Variants in CSMD3 observed in about 807,000 individuals in gnomAD.
The protein encoded by CSMD3 is CUB and sushi domain-containing protein 3.
Under a neutral mutation model 435.2 loss-of-function variants are expected in CSMD3, and 177 were observed. That is an observed-to-expected ratio of 0.41 (90% CI 0.36 to 0.46). The LOEUF (loss-of-function observed/expected upper bound fraction) is 0.46, where lower values mean the gene tolerates loss of function less well. Among genes scored for constraint, CSMD3 ranks in the 20% least tolerant of loss-of-function variants. The pLI is 0.34. For missense variants in CSMD3, 4,265 were observed against 4,504.6 expected (o/e 0.95, Z 1.52); for synonymous variants, 1,656 against 1,520.5 (o/e 1.09, Z -2.07).
chr8:112,438,014 G>A (rs1814568986), intron 32 of CSMD3, among the ~76,000 whole-genome samples: 1 of 152,044 alleles, frequency 6.6e-6, no homozygotes, highest in Non-Finnish European at 1.5e-5. Context: ...CCCTCGAAGG[G>A]CAGAAACATG....
chr8:112,902,729 A>G (rs947097938), intron 10 of CSMD3, among the ~76,000 whole-genome samples: 4 of 151,434 alleles, frequency 2.6e-5, no homozygotes, highest in Non-Finnish European at 5.9e-5. Context: ...CTAGCAGTTT[A>G]GTCTGCCACG....
intron 35 of CSMD3, among the ~76,000 whole-genome samples, chr8:112,393,336 T>C (rs1223582351): frequency 6.6e-6 from 1 of 152,178 alleles, no homozygotes; most frequent in East Asian, 1.9e-4. Context: ...ACTTGATTTG[T>C]CCCCTTCTCT....
chr8:112,360,645 C>T (rs948451969), intron 38 of CSMD3, among the ~76,000 whole-genome samples: 2 of 151,720 alleles, frequency 1.3e-5, no homozygotes, highest in African/African-American at 4.8e-5. Context: ...TCTATAATAA[C>T]ATAAATTATT....
chr8:112,394,098 C>T (rs1288882492), intron 35 of CSMD3, among the ~76,000 whole-genome samples: 1 of 152,098 alleles, frequency 6.6e-6, no homozygotes, highest in Non-Finnish European at 1.5e-5. Context: ...TCTTCTTCAT[C>T]CACACTCTCT....
intron 22 of CSMD3, among the ~76,000 whole-genome samples, chr8:112,588,121 A>G (rs546922030): frequency 3.3e-5 from 5 of 151,744 alleles, no homozygotes; most frequent in Non-Finnish European, 5.9e-5. Flanking sequence ...AAATTACTTC[A>G]TATTACCAAA....
Position 112,313,973 on chromosome 8 carries a change from A to G in CSMD3, c.7629T>C (p.His2543=), listed in dbSNP as rs1335909193. The change falls in exon 49 of 71, where the codon CAT becomes CAC. Residue 2543 remains histidine (H), a synonymous_variant. Transcript: ENST00000297405. ...CTGCTGACCACTGAAGAAATACTTC[A>G]TGACCATTGCTTGTTATATTAAAAG... ...SSAFNITSNG[H]EVFLQWSADH... is the part of the protein sequence containing the mutation. 6.2e-7 allele frequency: 1 copy of G among 1,611,576 alleles called. No homozygotes were observed. The highest frequency in any genetic ancestry group is 1.7e-4 in the Middle Eastern group (1 of 6,050).
intron 1 of CSMD3, among the ~76,000 whole-genome samples, chr8:113,429,151 A>C (rs2094654594): frequency 6.6e-6 from 1 of 151,650 alleles, no homozygotes; most frequent in Non-Finnish European, 1.5e-5. Context: ...TTCAACTATC[A>C]CTAAAATTGA....
At chr8:113,214,908 GA>G (rs2092883843) in intron 3 of CSMD3, among the ~76,000 whole-genome samples, 1 of 151,710 alleles carries the variant, frequency 6.6e-6, no homozygotes, top group African/African-American at 2.4e-5. Flanking sequence ...CCATAGCTTT[GA>G]AATATTATCG....
Position 112,398,908 on chromosome 8 carries a change from C to T in CSMD3, c.5809+7616G>A, listed in dbSNP as rs571785465. ...ATACTAATCTTCTTATCAAACGTTACTTGATTAAACTCTTTTTTTTTTTTT... is the reference window on the plus strand; with the variant it reads ...ATACTAATCTTCTTATCAAACGTTATTTGATTAAACTCTTTTTTTTTTTTT... On this transcript the variant is annotated intron_variant, in intron 35 of 70. Coordinates refer to ENST00000297405, the MANE Select transcript of CSMD3 (RefSeq NM_198123.2). Among the ~76,000 whole-genome samples the T allele has an allele frequency of 2.0e-5, 3 of 151,648 alleles. No homozygotes were observed. In the East Asian group the frequency reaches 5.9e-4, roughly 30 times the overall value.
chr8:112,414,503 C>A lies in CSMD3; in HGVS notation c.5396-5471G>T, dbSNP rs371006266. 4.0e-4 allele frequency among the ~76,000 whole-genome samples: 61 copies of A among 152,250 alleles called. 1 individual carries two copies. In the East Asian group the frequency reaches 8.3e-3, roughly 21 times the overall value. On this transcript the variant is annotated intron_variant, in intron 32 of 70. Transcript: ENST00000297405. ...AATGTAGAACTGTGAATCAATTAAA[C>A]CTTTTTCCTTTATAAATTACCTAAT... is the stretch of plus-strand genomic sequence containing the variant.
intron 4 of CSMD3, among the ~76,000 whole-genome samples, chr8:113,111,139 G>C (rs2090626875): frequency 6.6e-6 from 1 of 151,998 alleles, no homozygotes; most frequent in Admixed American, 6.6e-5. Context: ...ATGGGACAAG[G>C]GAAAAAGACA....
At chr8:112,296,960 GC>G (rs1309002613) in intron 53 of CSMD3, among the ~76,000 whole-genome samples, 2 of 151,736 alleles carry the variant, frequency 1.3e-5, no homozygotes, top group Non-Finnish European at 2.9e-5. Flanking sequence ...ACAGCTTTAT[GC>G]CAATACATTT....
At chr8:113,043,213 T>C (rs573849198) in intron 5 of CSMD3, among the ~76,000 whole-genome samples, 3 of 152,322 alleles carry the variant, frequency 2.0e-5, no homozygotes, top group East Asian at 1.9e-4. Context: ...ATCTAACTTA[T>C]ATTTATGTCT....
At chr8:112,495,541 T>C (rs1320290813) in intron 30 of CSMD3, among the ~76,000 whole-genome samples, 1 of 152,250 alleles carries the variant, frequency 6.6e-6, no homozygotes, top group African/African-American at 2.4e-5. Flanking sequence ...GTTTACATAC[T>C]GCTTTAAATC....
chr8:112,372,614 C>T (rs1434496332), intron 38 of CSMD3, among the ~76,000 whole-genome samples: 1 of 151,998 alleles, frequency 6.6e-6, no homozygotes, highest in African/African-American at 2.4e-5. Context: ...CTTTGGGAGG[C>T]CGAGGAGGGC....
At chr8:112,318,559 A>G (rs1822692626) in intron 47 of CSMD3, among the ~76,000 whole-genome samples, 3 of 151,998 alleles carry the variant, frequency 2.0e-5, no homozygotes, top group South Asian at 4.1e-4. Context: ...CTCCACCTCC[A>G]TTCCCATCCC....
intron 61 of CSMD3, among the ~76,000 whole-genome samples, chr8:112,258,656 G>A (rs1816047774): frequency 6.6e-6 from 1 of 152,178 alleles, no homozygotes; most frequent in African/African-American, 2.4e-5. Context: ...TGGAGAAATA[G>A]GAACGCTTTT....
At chr8:113,363,897 G>C (rs1204297175) in intron 1 of CSMD3, among the ~76,000 whole-genome samples, 1 of 151,910 alleles carries the variant, frequency 6.6e-6, no homozygotes, top group Non-Finnish European at 1.5e-5. Context: ...ATCAATTATT[G>C]AATTTCATGG....
At position 112,584,315 on chromosome 8, in the gene CSMD3, G is replaced by A. The variant is rs144925928; in HGVS notation, c.3885+2751C>T. On this transcript the variant is annotated intron_variant, in intron 23 of 70. Transcript: ENST00000297405. ...AACTGAATCAGAAAACCTGGGAGGC[G>A]TGCCAGTAATCAAAACTTAAAAAAA... 1.1e-3 allele frequency among the ~76,000 whole-genome samples: 160 copies of A among 151,714 alleles called. 1 individual carries two copies. The highest frequency in any genetic ancestry group is 6.8e-3 in the Middle Eastern group (2 of 294).
Sources: gnomAD v4.1 joint callset for allele counts (sites outside exome capture counted in the v4.1 genomes callset) on GRCh38, gnomAD v4.1.1 for gene constraint, MANE v1.5 for transcripts, NCBI Gene and HGNC (gene_info 2026-07-23, HGNC 2026-07-21) for gene names.